Variants in PCNT observed in about 807,000 individuals in gnomAD.
PCNT encodes pericentrin, also known as kendrin.
Under a neutral mutation model 380.4 loss-of-function variants are expected in PCNT, and 319 were observed. The ratio of observed to expected loss-of-function variants is 0.84; its 90% CI spans 0.77 to 0.92. PCNT has a LOEUF of 0.92. Ranked by LOEUF, PCNT falls within the 40% of genes least tolerant of loss-of-function variation. The pLI is 0.00. For synonymous variants in PCNT, 1,845 were observed against 1,735.2 expected, an observed-to-expected ratio of 1.06 and a Z score of -1.57; for missense variants, 4,400 against 4,255.3, an observed-to-expected ratio of 1.03 and a Z score of -0.95.
At chr21:46,434,019 T>G (rs545158913) in intron 38 of PCNT, among the ~76,000 whole-genome samples, 1 of 152,302 alleles carries the variant, frequency 6.6e-6, no homozygotes, top group African/African-American at 2.4e-5. Context: ...TTGTGATTGA[T>G]CCGCCCACCT....
chr21:46,378,994 C>G (rs189664930), intron 15 of PCNT, among the ~76,000 whole-genome samples: 1 of 152,330 alleles, frequency 6.6e-6, no homozygotes, highest in East Asian at 1.9e-4. Flanking sequence ...TGCACTACTG[C>G]TGCTCGTTTC....
At position 46,356,908 on chromosome 21, in the gene PCNT, C is replaced by T. The variant is rs79886941; in HGVS notation, c.1937-66C>T. On this transcript the variant is annotated intron_variant, in intron 12 of 46. Transcript: ENST00000359568. ...TTTATAGGTTGCCGTTCTGCCTGTG[C>T]GGACTGTGGGCTCCATCGAGGGCCG... is the stretch of plus-strand genomic sequence containing the variant. The T allele has an allele frequency of 2.3e-3, 3,232 of 1,390,170 alleles. 57 individuals carry two copies. In the African/African-American group the frequency reaches 0.037, roughly 16 times the overall value. The allele number at this position is 1,390,170 out of a possible 1,614,324, so 86.1% of individuals were successfully genotyped here.
chr21:46,383,707 C>T (rs1275242537), intron 16 of PCNT, among the ~76,000 whole-genome samples: 105 of 145,018 alleles, frequency 7.2e-4, no homozygotes, highest in Admixed American at 1.9e-3. Flanking sequence ...GAAGCGCATT[C>T]ACAGTGTTGT....
At chr21:46,357,899 G>A (rs993114418) in intron 13 of PCNT, among the ~76,000 whole-genome samples, 2 of 152,260 alleles carry the variant, frequency 1.3e-5, no homozygotes, top group Admixed American at 1.3e-4. Flanking sequence ...CTGTGGAAGA[G>A]GCACCCTCTG....
chr21:46,331,552 C>T (rs1035175530), intron 2 of PCNT, among the ~76,000 whole-genome samples: 1 of 152,128 alleles, frequency 6.6e-6, no homozygotes, highest in African/African-American at 2.4e-5. Flanking sequence ...ATGGTGGCTC[C>T]GAGCACTTTG....
rs369380467 is a variant in PCNT, at chr21:46,332,401, A to G, written c.268-1996A>G. Among the ~76,000 whole-genome samples, 25 of 152,368 alleles carry G rather than the reference A, an allele frequency of 1.6e-4. No individual in the cohort carries two copies. In the East Asian group the frequency reaches 2.5e-3, roughly 15 times the overall value. ...TTAAGTTGTTTTACACGTAATTTACAGAAGTAAGAATAAAGCAATAATTTA... is the reference window on the plus strand; with the variant it reads ...TTAAGTTGTTTTACACGTAATTTACGGAAGTAAGAATAAAGCAATAATTTA... On this transcript the variant is annotated intron_variant, in intron 2 of 46. Coordinates refer to ENST00000359568, the MANE Select transcript of PCNT (RefSeq NM_006031.6).
Position 46,365,880 on chromosome 21 carries a change from A to G in PCNT, c.2610-704A>G, listed in dbSNP as rs62224217. 5.5e-3 allele frequency among the ~76,000 whole-genome samples: 613 copies of G among 111,488 alleles called. 2 individuals are homozygous for G. The highest frequency in any genetic ancestry group is 7.0e-3 in the Non-Finnish European group (447 of 63,672). 73.1% of individuals were successfully genotyped at this position (111,488 alleles called of 152,430 possible). A position where few individuals can be genotyped will look rare whatever the true frequency, so the allele number is the denominator to read the frequency against. The stretch of plus-strand genomic sequence containing the variant: ...TGTTCACTGCCGTGGGGTTCTATTC[A>G]CTCACTGTCGTGGGGTTCTGTTCAC... On this transcript the variant is annotated intron_variant, in intron 14 of 46. Coordinates refer to ENST00000359568, the MANE Select transcript of PCNT (RefSeq NM_006031.6).
At chr21:46,353,070 T>G in intron 9 of PCNT, 34 bp from the exon 10 acceptor site, 4 of 1,581,784 alleles carry the variant, frequency 2.5e-6, no homozygotes, top group Non-Finnish European at 3.5e-6. Flanking sequence ...GGTGTCCCAT[T>G]TTAAGACGAT....
intron 30 of PCNT, 150 bp downstream of exon 30, chr21:46,416,989 C>T (rs937434190): frequency 3.0e-5 from 21 of 704,734 alleles, no homozygotes; most frequent in East Asian, 1.7e-4. Context: ...GCATCATGGG[C>T]GCATTTAGAT....
At chr21:46,352,251 G>C (rs1257354213) in intron 9 of PCNT, among the ~76,000 whole-genome samples, 1 of 152,232 alleles carries the variant, frequency 6.6e-6, no homozygotes, top group Non-Finnish European at 1.5e-5. Flanking sequence ...TTAGGAGAAA[G>C]AACTGGAGAC....
At chr21:46,415,313 A>G (rs1433164378) in intron 29 of PCNT, among the ~76,000 whole-genome samples, 4 of 148,230 alleles carry the variant, frequency 2.7e-5, no homozygotes, top group East Asian at 2.0e-4. Flanking sequence ...AGCCCTTCGC[A>G]TCTCCTGCGG....
At chr21:46,358,768 G>T (rs1414298638) in intron 13 of PCNT, among the ~76,000 whole-genome samples, 1 of 151,760 alleles carries the variant, frequency 6.6e-6, no homozygotes, top group Non-Finnish European at 1.5e-5. Flanking sequence ...GGAATTACAG[G>T]TGCACACCAC....
intron 36 of PCNT, 71 bp from the exon 37 acceptor site, chr21:46,430,436 C>G (rs548657453): frequency 4.6e-6 from 7 of 1,533,574 alleles, no homozygotes; most frequent in African/African-American, 1.4e-5. Flanking sequence ...GCCTCCCCTC[C>G]TGGAGCTCCC....
intron 15 of PCNT, among the ~76,000 whole-genome samples, chr21:46,373,070 G>A (rs1295019651): frequency 6.6e-6 from 1 of 152,210 alleles, no homozygotes; most frequent in East Asian, 1.9e-4. Flanking sequence ...CGCCCAGGCC[G>A]AAGGTAGTGA....
chr21:46,332,604 C>T (rs1188855013), intron 2 of PCNT, among the ~76,000 whole-genome samples: 8 of 152,182 alleles, frequency 5.3e-5, no homozygotes, highest in African/African-American at 1.4e-4. Context: ...CTCACTTCCT[C>T]TTGATTCTGA....
rs759289691 is a variant in PCNT, at chr21:46,411,475, C to T, written c.5402C>T (p.Ala1801Val). 3.7e-6 allele frequency: 6 copies of T among 1,609,782 alleles called. No individual in the cohort carries two copies. Among genetic ancestry groups the T allele is most frequent in the Non-Finnish European group, 5.1e-6 (6 of 1,178,784 alleles). ...ELEAALEAKEALSRLLADQER... is the reference protein window; with the variant it reads ...ELEAALEAKEVLSRLLADQER... ...GAGGCTGCGCTGGAAGCCAAGGAGG[C>T]CCTGAGCCGGCTGCTGGCTGACCAG... Residue 1801 changes from alanine (A) to valine (V), a missense_variant, in exon 28 of 47, where the codon GCC becomes GTC. Ala to Val is a moderately conservative substitution (Grantham distance 64). Coordinates refer to ENST00000359568, the MANE Select transcript of PCNT (RefSeq NM_006031.6).
intron 25 of PCNT, among the ~76,000 whole-genome samples, chr21:46,401,272 G>A (rs1438819477): frequency 2.0e-5 from 3 of 152,144 alleles, no homozygotes; most frequent in Non-Finnish European, 4.4e-5. Flanking sequence ...GAAAATATTG[G>A]TAATAGTTTG....
intron 3 of PCNT, 66 bp from the exon 4 acceptor site, chr21:46,346,062 C>A: frequency 6.8e-7 from 1 of 1,473,824 alleles, no homozygotes; most frequent in Non-Finnish European, 9.5e-7. Flanking sequence ...GTCGTCAGTT[C>A]TTGAGCACAT....
intron 16 of PCNT, among the ~76,000 whole-genome samples, chr21:46,384,162 A>G (rs937441388): frequency 7.1e-6 from 1 of 140,128 alleles, no homozygotes; most frequent in Non-Finnish European, 1.5e-5. Context: ...AGTGCTGTGC[A>G]TTCAGCAGCG....
Sources: allele counts gnomAD v4.1 joint callset (sites outside exome capture counted in the v4.1 genomes callset), GRCh38; gene constraint gnomAD v4.1.1; transcripts MANE v1.5; gene names NCBI Gene and HGNC (gene_info 2026-07-23, HGNC 2026-07-21).